CASS4: variants seen among roughly 807,000 people sequenced by gnomAD.
CASS4 encodes the protein cas scaffolding protein family member 4.
CASS4 carries 22 observed loss-of-function variants against 54.2 expected under a neutral mutation model. The observed-to-expected ratio is 0.41, with a 90% confidence interval of 0.29 to 0.58. CASS4 has a LOEUF of 0.58. Ranked by LOEUF, CASS4 falls within the 20% of genes least tolerant of loss-of-function variation. CASS4 has a pLI of 0.36. For missense variants in CASS4, 854 were observed against 986.7 expected (o/e 0.87, Z 1.80); for synonymous variants, 409 against 391.5 (o/e 1.04, Z -0.53).
At chr20:56,453,471 C>A in intron 5 of CASS4, 1 of 190,076 alleles carries the variant, frequency 5.3e-6, no homozygotes, top group East Asian at 1.5e-4. Flanking sequence ...AGTCTCCTTG[C>A]ATTTTTGAAA....
chr20:56,421,524 A>G (rs1979409454), intron 1 of CASS4, among the ~76,000 whole-genome samples: 1 of 152,054 alleles, frequency 6.6e-6, no homozygotes, highest in African/African-American at 2.4e-5. Flanking sequence ...TAGCGAGACT[A>G]TCTCTACAAA....
intron 2 of CASS4, among the ~76,000 whole-genome samples, chr20:56,443,995 C>A (rs62209456): frequency 1.3e-5 from 2 of 152,136 alleles, no homozygotes; most frequent in South Asian, 4.1e-4. Context: ...CGTCACTCAA[C>A]GAAGGGGGCT....
intron 1 of CASS4, among the ~76,000 whole-genome samples, chr20:56,422,535 C>T (rs1023749376): frequency 1.3e-5 from 2 of 152,236 alleles, no homozygotes; most frequent in Non-Finnish European, 2.9e-5. Flanking sequence ...CCCAAACCTG[C>T]TGGAAAAGCA....
rs577977811 is a variant in CASS4 at position 56,414,515 on chromosome 20, G to A, written c.36+2021G>A. 1.3e-5 allele frequency among the ~76,000 whole-genome samples: 2 copies of A among 152,244 alleles called. No homozygotes were observed. The highest frequency in any genetic ancestry group is 2.1e-4 in the South Asian group (1 of 4,824). The stretch of plus-strand genomic sequence containing the variant: ...GCTGGACTCAAATTCCTGAACTCAG[G>A]TGATTCTTCTGCCTCAGCCTCCCAA... On this transcript the variant is annotated intron_variant, in intron 1 of 5. Transcript: ENST00000679887. This position sits in a 1 kb window ranked among gnomAD's most constrained non-coding sequence, Gnocchi z 4.1.
intron 2 of CASS4, among the ~76,000 whole-genome samples, chr20:56,441,597 C>T (rs1568676668): frequency 6.6e-6 from 1 of 151,928 alleles, no homozygotes; most frequent in Non-Finnish European, 1.5e-5. Context: ...AAGAGGAAAA[C>T]TCCGTCTCAA....
intron 1 of CASS4, among the ~76,000 whole-genome samples, chr20:56,426,134 A>G (rs761946319): frequency 6.6e-6 from 1 of 152,178 alleles, no homozygotes; most frequent in Non-Finnish European, 1.5e-5. Flanking sequence ...TGTGCTAAGC[A>G]GAGTGGTTTG....
At chr20:56,442,087 C>T (rs6014733) in intron 2 of CASS4, among the ~76,000 whole-genome samples, 3,447 of 149,438 alleles carry the variant, frequency 0.023, 218 homozygotes, top group African/African-American at 0.083. Context: ...TTTCCCATGG[C>T]AAATTCACAG....
chr20:56,437,394 A>G lies in CASS4; in HGVS notation c.267A>G (p.Glu89=). 1 of 1,614,062 alleles carries G rather than the reference A, an allele frequency of 6.2e-7. No homozygotes were observed. The highest frequency in any genetic ancestry group is 1.1e-5 in the South Asian group (1 of 91,088). Residue 89 remains glutamate (E), a synonymous_variant, in exon 2 of 6, where the codon GAA becomes GAG. Transcript: ENST00000679887. The surrounding 1 kb of genome is among the most constrained non-coding windows in gnomAD (Gnocchi z 4.7). Reference sequence around the variant, plus strand: ...CCCCATTCCTGAGAGGCCTGGAAGAAGCTCCTGCCAGCTCAGAGGAGACCT... The same window carrying G: ...CCCCATTCCTGAGAGGCCTGGAAGAGGCTCCTGCCAGCTCAGAGGAGACCT... ...PCPPFLRGLE[E]APASSEETYQ... is the part of the protein sequence containing the mutation.
In CASS4 at chr20:56,450,601, G is replaced by T. The variant is rs1363457195; in HGVS notation, c.564G>T (p.Glu188Asp). ...CTGCCTTTGTGGTCTTTCCCCAGGAGCCAGAGAAGCAGCAGTTATATGACA... is the reference window on the plus strand; with the variant it reads ...CTGCCTTTGTGGTCTTTCCCCAGGATCCAGAGAAGCAGCAGTTATATGACA... ...TQHRGPVVLK[E>D]PEKQQLYDIP... The change falls in exon 4 of 6, where the codon GAG (glutamate) becomes GAT (aspartate). Residue 188 changes from glutamate (E) to aspartate (D), a missense_variant and splice_region_variant. Glu to Asp is a conservative substitution (Grantham distance 45). Transcript: ENST00000679887. The T allele has an allele frequency of 6.2e-7, 1 of 1,614,096 alleles. No individual in the cohort carries two copies. Among genetic ancestry groups the T allele is most frequent in the African/African-American group, 1.3e-5 (1 of 75,056 alleles).
intron 3 of CASS4, among the ~76,000 whole-genome samples, chr20:56,447,310 T>C (rs114321469): frequency 0.021 from 3,271 of 152,262 alleles, 123 homozygotes; most frequent in African/African-American, 0.075. Flanking sequence ...AATCAAACTT[T>C]CTAGTTCATT....
rs571194072 is a variant in CASS4, at chr20:56,427,733, G to A, written c.37-9431G>A. ...TATCAAAAGATCTGTGATATTTATA[G>A]TATATGCAGTTTTTAAAATGTGGTT... is the stretch of plus-strand genomic sequence containing the variant. On this transcript the variant is annotated intron_variant, in intron 1 of 5. Coordinates refer to ENST00000679887, the MANE Select transcript of CASS4 (RefSeq NM_020356.4). Among the ~76,000 whole-genome samples, 8 of 152,316 alleles carry A rather than the reference G, an allele frequency of 5.3e-5. No individual in the cohort carries two copies. The East Asian group carries it at 9.6e-4, about 18-fold the overall frequency.
intron 1 of CASS4, among the ~76,000 whole-genome samples, chr20:56,419,888 CA>C (rs1406011083): frequency 6.6e-6 from 1 of 151,778 alleles, no homozygotes; most frequent in Non-Finnish European, 1.5e-5. Context: ...ACTAAAAACA[CA>C]AAAATTAGCT....
Position 56,458,420 on chromosome 20 carries a change from C to G in CASS4, c.2034C>G (p.Leu678=), listed in dbSNP as rs3746623. 0.37 allele frequency: 603,304 copies of G among 1,613,754 alleles called. 124,109 individuals are homozygous for G. Among genetic ancestry groups the G allele is most frequent in the East Asian group, 0.94 (42,299 of 44,866 alleles). The change falls in exon 6 of 6, where the codon CTC becomes CTG. Residue 678 remains leucine (L), a synonymous_variant. Coordinates refer to ENST00000679887, the MANE Select transcript of CASS4 (RefSeq NM_020356.4). ...RKPRLSEHCR[L]YFGALFKAIS... is the part of the protein sequence containing the mutation. The stretch of plus-strand genomic sequence containing the variant: ...CCCGCTTATCTGAACACTGCCGGCT[C>G]TACTTTGGGGCGCTCTTCAAAGCCA...
At chr20:56,442,290 T>C (rs1479706466) in intron 2 of CASS4, among the ~76,000 whole-genome samples, 3 of 151,816 alleles carry the variant, frequency 2.0e-5, no homozygotes, top group Non-Finnish European at 4.4e-5. Flanking sequence ...TCTCTGCATA[T>C]CTTTAGATTA....
chr20:56,449,370 A>G (rs1055709738), intron 3 of CASS4, among the ~76,000 whole-genome samples: 6 of 152,150 alleles, frequency 3.9e-5, no homozygotes, highest in Non-Finnish European at 8.8e-5. Context: ...CAGAAAACCA[A>G]ACAACGCATG....
chr20:56,412,481 A>T lies in CASS4; in HGVS notation c.23A>T (p.Asp8Val). 2 of 1,612,672 alleles carry T rather than the reference A, an allele frequency of 1.2e-6. No individual in the cohort carries two copies. Among genetic ancestry groups the T allele is most frequent in the Non-Finnish European group, 1.7e-6 (2 of 1,179,370 alleles). MKGTGIM[D>V]CAPKALLARA... ...GACATGAAGGGAACAGGCATCATGGACTGTGCGCCCAAGGTGAGTGATGTG... is the reference window on the plus strand; with the variant it reads ...GACATGAAGGGAACAGGCATCATGGTCTGTGCGCCCAAGGTGAGTGATGTG... The change falls in exon 1 of 6, where the codon GAC becomes GTC. Residue 8 changes from aspartate to valine, a missense_variant. By Grantham distance (152) the Asp-to-Val change is radical. Coordinates refer to ENST00000679887, the MANE Select transcript of CASS4 (RefSeq NM_020356.4). This position sits in a 1 kb window ranked among gnomAD's most constrained non-coding sequence, Gnocchi z 4.2.
chr20:56,426,102 C>T (rs977579003), intron 1 of CASS4, among the ~76,000 whole-genome samples: 7 of 152,148 alleles, frequency 4.6e-5, no homozygotes, highest in African/African-American at 1.7e-4. Context: ...CTAAGATGTC[C>T]ACACCGTCTT....
Position 56,452,374 on chromosome 20 carries a change from G to A in CASS4, c.1198G>A (p.Gly400Ser). Reference sequence around the variant, plus strand: ...ATCTCCTGAACCGGACAGATTATCAGGTTCCAGTTCTGACAGCAGAGCTAG... The same window carrying A: ...ATCTCCTGAACCGGACAGATTATCAAGTTCCAGTTCTGACAGCAGAGCTAG... The part of the protein sequence containing the change: ...SPSPEPDRLS[G>S]SSSDSRASIV... The change falls in exon 5 of 6, where the codon GGT (glycine) becomes AGT (serine). Residue 400 changes from glycine to serine, a missense_variant. Coordinates refer to ENST00000679887, the MANE Select transcript of CASS4 (RefSeq NM_020356.4). 1.2e-6 allele frequency: 2 copies of A among 1,614,008 alleles called. No individual in the cohort carries two copies. The highest frequency in any genetic ancestry group is 1.7e-6 in the Non-Finnish European group (2 of 1,180,042).
At chr20:56,418,630 C>T (rs879919215) in intron 1 of CASS4, among the ~76,000 whole-genome samples, 10 of 152,158 alleles carry the variant, frequency 6.6e-5, no homozygotes, top group South Asian at 2.1e-4. Flanking sequence ...TCCATGGACA[C>T]GAAGGAGAAT....
Sources: gnomAD v4.1 joint callset for allele counts (sites outside exome capture counted in the v4.1 genomes callset) on GRCh38, gnomAD v4.1.1 for gene constraint, Gnocchi (gnomAD v3.1) non-coding constraint, MANE v1.5 for transcripts, NCBI Gene and HGNC (gene_info 2026-07-23, HGNC 2026-07-21) for gene names.